MYH15: variants seen among roughly 807,000 people sequenced by gnomAD.
MYH15 encodes the protein myosin heavy chain 15.
Under a neutral mutation model 240.5 loss-of-function variants are expected in MYH15, and 227 were observed. That is an observed-to-expected ratio of 0.94 (90% CI 0.85 to 1.05). MYH15 has a LOEUF of 1.05. Among genes scored for constraint, MYH15 ranks in the 50% least tolerant of loss-of-function variants. The pLI is 0.00. For synonymous variants in MYH15, 785 were observed against 796.7 expected (o/e 0.99, Z 0.25); for missense variants, 2,217 against 2,247.5 (o/e 0.99, Z 0.27).
chr3:108,407,309 A>AC (rs2082554129), intron 32 of MYH15, among the ~76,000 whole-genome samples: 1 of 152,176 alleles, frequency 6.6e-6, no homozygotes, highest in African/African-American at 2.4e-5. Flanking sequence ...CCCCTGCCTA[A>AC]CACTGACTGC....
At chr3:108,546,724 A>G in the MYH15 span, among the ~76,000 whole-genome samples, 2 of 152,166 alleles carry the variant, frequency 1.3e-5, no homozygotes, top group Non-Finnish European at 2.9e-5. Context: ...TTGTAGCTCA[A>G]TGTGCAAAAA....
chr3:108,495,870 C>T lies in MYH15; in HGVS notation c.621G>A (p.Gly207=). The T allele has an allele frequency of 1.2e-6, 2 of 1,604,152 alleles. No individual in the cohort carries two copies. Among genetic ancestry groups the T allele is most frequent in the Non-Finnish European group, 1.7e-6 (2 of 1,175,134 alleles). Residue 207 remains glycine (G), a splice_region_variant and synonymous_variant, in exon 7 of 41, where the codon GGG becomes GGA. Coordinates refer to ENST00000693548, the MANE Select transcript of MYH15 (RefSeq NM_014981.3). ...AAMIESRKKQ[G]ALEDQIMQAN... ...CTTGCATGATTTGATCTTCTAACGC[C>T]CCCTGAGACACATGCAAGAGAAGTA...
chr3:108,403,226 G>T (rs920048299), intron 33 of MYH15, among the ~76,000 whole-genome samples: 2 of 152,176 alleles, frequency 1.3e-5, no homozygotes, highest in African/African-American at 4.8e-5. Flanking sequence ...TGGAAGACAT[G>T]GCTTGGCAGC....
chr3:108,499,547 A>ACTCAAAAT (rs1314640678), intron 4 of MYH15, 65 bp from the exon 5 acceptor site: 19 of 1,502,782 alleles, frequency 1.3e-5, no homozygotes, highest in Middle Eastern at 2.1e-4. Flanking sequence ...GTATGAACTT[A>ACTCAAAAT]CTCAAAATTT....
At chr3:108,447,427 A>C (rs907705705) in intron 21 of MYH15, among the ~76,000 whole-genome samples, 1 of 152,144 alleles carries the variant, frequency 6.6e-6, no homozygotes, top group Non-Finnish European at 1.5e-5. Context: ...CATTATAATG[A>C]AATTCTCAAA....
chr3:108,524,534 T>C (rs1039470311), intron 1 of MYH15, among the ~76,000 whole-genome samples: 1 of 152,100 alleles, frequency 6.6e-6, no homozygotes, highest in Non-Finnish European at 1.5e-5. Flanking sequence ...ACTTTTGTCA[T>C]ATTTTTTACA....
At chr3:108,396,216 G>A (rs1490551337) in intron 35 of MYH15, among the ~76,000 whole-genome samples, 1 of 152,082 alleles carries the variant, frequency 6.6e-6, no homozygotes, top group African/African-American at 2.4e-5. Context: ...GATCCCACTG[G>A]TGCATTATCA....
rs767520849 is a variant in MYH15 at position 108,464,747 on chromosome 3, T to C, written c.1622A>G (p.Lys541Arg). The change falls in exon 15 of 41, where the codon AAG becomes AGG. Residue 541 changes from lysine to arginine, a missense_variant. Physicochemically the swap from Lys to Arg is conservative, Grantham distance 26. Transcript: ENST00000693548. ...MFPKATDLTF[K>R]TKLFDNHFGK... ...AAAATGGTTGTCAAAGAGTTTGGTCTTGAAAGTCAGGTCTGTAGCCTTAGG... is the reference window on the plus strand; with the variant it reads ...AAAATGGTTGTCAAAGAGTTTGGTCCTGAAAGTCAGGTCTGTAGCCTTAGG... 2 of 1,613,992 alleles carry C rather than the reference T, an allele frequency of 1.2e-6. No individual in the cohort carries two copies. The highest frequency in any genetic ancestry group is 2.2e-5 in the East Asian group (1 of 44,884).
chr3:108,431,123 T>C (rs1247965188), intron 25 of MYH15, among the ~76,000 whole-genome samples: 2 of 152,342 alleles, frequency 1.3e-5, no homozygotes, highest in African/African-American at 2.4e-5. Flanking sequence ...ACAATTATTA[T>C]ATATCAATAA....
chr3:108,435,517 A>T (rs557145581), intron 25 of MYH15, among the ~76,000 whole-genome samples: 1 of 152,060 alleles, frequency 6.6e-6, no homozygotes, highest in East Asian at 1.9e-4. Context: ...ATTTGTTTCT[A>T]TGAATTCGAT....
intron 21 of MYH15, among the ~76,000 whole-genome samples, chr3:108,447,566 C>A (rs1435914722): frequency 1.3e-5 from 2 of 150,564 alleles, no homozygotes; most frequent in East Asian, 4.1e-4. Context: ...TGTGATATAA[C>A]CAAAGTGCTA....
At chr3:108,538,182 C>G in the MYH15 span, among the ~76,000 whole-genome samples, 1 of 152,184 alleles carries the variant, frequency 6.6e-6, no homozygotes, top group East Asian at 1.9e-4. Context: ...TTCATCCTAG[C>G]TAGTTGACAA....
intron 28 of MYH15, among the ~76,000 whole-genome samples, chr3:108,418,262 T>C (rs2082650348): frequency 6.6e-6 from 1 of 152,242 alleles, no homozygotes; most frequent in Non-Finnish European, 1.5e-5. Flanking sequence ...TTATGCATAC[T>C]TCTTGTTTTG....
intron 16 of MYH15, chr3:108,461,609 ATCAGAGAATTACTCAAATGGGAG>A (rs376082124): frequency 1.2e-4 from 18 of 152,158 alleles, no homozygotes; most frequent in African/African-American, 3.9e-4. Flanking sequence ...ATCTCTTATG[ATCAGAGAATTACTCAAATGGGAG>A]TCATAAGCTT....
At chr3:108,540,524 C>CT in the MYH15 span, among the ~76,000 whole-genome samples, 10 of 151,704 alleles carry the variant, frequency 6.6e-5, no homozygotes, top group African/African-American at 2.2e-4. Flanking sequence ...TGATATGATA[C>CT]TAAAAAAAAG....
intron 39 of MYH15, among the ~76,000 whole-genome samples, chr3:108,384,477 G>T (rs181876380): frequency 6.6e-6 from 1 of 152,278 alleles, no homozygotes; most frequent in Non-Finnish European, 1.5e-5. Flanking sequence ...AAAGGTAAAG[G>T]AGAGAGCTCT....
intron 26 of MYH15, 50 bp downstream of exon 26, chr3:108,430,781 TC>T: frequency 7.2e-7 from 1 of 1,382,730 alleles, no homozygotes; most frequent in Non-Finnish European, 1.0e-6. Flanking sequence ...CCACCAGTCA[TC>T]ACCCATGGAT....
intron 35 of MYH15, among the ~76,000 whole-genome samples, chr3:108,394,571 C>A (rs1465532661): frequency 6.6e-6 from 1 of 152,178 alleles, no homozygotes; most frequent in Non-Finnish European, 1.5e-5. Flanking sequence ...AATTGTAACT[C>A]CAAGTATGCT....
chr3:108,493,270 C>T, intron 7 of MYH15, 93 bp from the exon 8 acceptor site: 2 of 715,374 alleles, frequency 2.8e-6, no homozygotes, highest in South Asian at 2.0e-5. Flanking sequence ...ATGTAACTCT[C>T]AAAAGGACTA....
Sources: gnomAD v4.1 joint callset for allele counts (sites outside exome capture counted in the v4.1 genomes callset) on GRCh38, gnomAD v4.1.1 for gene constraint, MANE v1.5 for transcripts, NCBI Gene and HGNC (gene_info 2026-07-23, HGNC 2026-07-21) for gene names.